The following CNOT1 variants were observed in gnomAD, a reference collection of about 807,000 sequenced individuals.
The protein encoded by CNOT1 is CCR4-NOT transcription complex subunit 1.
In CNOT1, 15 loss-of-function variants were observed where a neutral mutation model predicts 273.8. The observed-to-expected ratio is 0.05, with a 90% CI of 0.04 to 0.08. The LOEUF (loss-of-function observed/expected upper bound fraction) is 0.08, where lower values mean the gene tolerates loss of function less well. Among genes scored for constraint, CNOT1 ranks in the 10% least tolerant of loss-of-function variants. The pLI is 1.00. For missense variants in CNOT1, 1,644 were observed against 2,912.2 expected (o/e 0.56, Z 10.02); for synonymous variants, 1,022 against 1,005.5 (o/e 1.02, Z -0.31).
At position 58,547,250 on chromosome 16, in the gene CNOT1, T is replaced by C; in HGVS notation, c.3686A>G (p.Gln1229Arg). 1.9e-6 allele frequency: 3 copies of C among 1,613,968 alleles called. No individual in the cohort carries two copies. The highest frequency in any genetic ancestry group is 2.5e-6 in the Non-Finnish European group (3 of 1,179,890). ...GGGCACTACATAGAGCAATTCTTGTTGTCCTTTAACATAAGCCTCTAGCAG... is the reference window on the plus strand; with the variant it reads ...GGGCACTACATAGAGCAATTCTTGTCGTCCTTTAACATAAGCCTCTAGCAG... The part of the protein sequence containing the change: ...SLLLEAYVKG[Q>R]QELLYVVPFV... Residue 1229 changes from glutamine (Q) to arginine (R), a missense_variant, in exon 27 of 49, where the codon CAA (glutamine) becomes CGA (arginine). Physicochemically the swap from Gln to Arg is conservative, Grantham distance 43. Transcript: ENST00000317147. The surrounding 1 kb of genome is among the most constrained non-coding windows in gnomAD (Gnocchi z 4.0).
At chr16:58,585,276 T>A (rs1317237398) in intron 8 of CNOT1, 62 bp downstream of exon 8, 24 of 1,585,086 alleles carry the variant, frequency 1.5e-5, no homozygotes, top group Non-Finnish European at 1.9e-5. Context: ...AGACTTTTTT[T>A]AAAGAATTAC....
intron 42 of CNOT1, 141 bp from the exon 43 acceptor site, chr16:58,530,488 G>T: frequency 1.8e-6 from 1 of 548,900 alleles, no homozygotes; most frequent in South Asian, 4.0e-5. Context: ...TTTTACAAAA[G>T]ATCGGCATTA....
At chr16:58,522,012 T>G (rs1354462864) in intron 47 of CNOT1, among the ~76,000 whole-genome samples, 2 of 150,272 alleles carry the variant, frequency 1.3e-5, no homozygotes, top group East Asian at 2.0e-4. Flanking sequence ...AAACAGAAAA[T>G]AAGAATTAAG....
intron 20 of CNOT1, 54 bp from the exon 21 acceptor site, chr16:58,555,591 C>T (rs574895858): frequency 7.8e-4 from 1,231 of 1,572,244 alleles, no homozygotes; most frequent in Non-Finnish European, 9.4e-4. Flanking sequence ...TTACTAAGAG[C>T]CTTTCTCAAA....
intron 33 of CNOT1, 59 bp downstream of exon 33, chr16:58,542,172 C>T: frequency 6.3e-7 from 1 of 1,592,968 alleles, no homozygotes; most frequent in Non-Finnish European, 8.6e-7. Context: ...GTTCAATCAA[C>T]AACAACATTA....
Position 58,608,811 on chromosome 16 carries a change from G to A in CNOT1, c.-174-9300C>T, listed in dbSNP as rs773225813. Among the ~76,000 whole-genome samples the A allele has an allele frequency of 4.6e-5, 7 of 152,158 alleles. No homozygotes were observed. The East Asian group carries it at 5.8e-4, about 13-fold the overall frequency. ...AAAAAGGAATGAATTAATGGCATTC[G>A]CAGCGACCTGGATGAGACTAGAGAC... is the stretch of plus-strand genomic sequence containing the variant. On this transcript the variant is annotated intron_variant, in intron 1 of 48. Transcript: ENST00000317147.
At chr16:58,555,972 C>T (rs1284628887) in intron 19 of CNOT1, 64 bp from the exon 20 acceptor site, 1 of 1,590,226 alleles carries the variant, frequency 6.3e-7, no homozygotes, top group African/African-American at 1.3e-5. Context: ...CCATAAAACA[C>T]AGCCAGCCAG....
chr16:58,553,475 T>C (rs1365873164), intron 22 of CNOT1, among the ~76,000 whole-genome samples: 2 of 152,124 alleles, frequency 1.3e-5, no homozygotes, highest in African/African-American at 4.8e-5. Context: ...CTGTACTTTA[T>C]CTAAGATAAA....
chr16:58,530,590 C>T lies in CNOT1; in HGVS notation c.6178-243G>A, dbSNP rs1597403071. On this transcript the variant is annotated intron_variant, in intron 42 of 48. Coordinates refer to ENST00000317147, the MANE Select transcript of CNOT1 (RefSeq NM_016284.5). ...TTGAAGTCAGGAGTTCGAGACCAGC[C>T]TGGCCAACATATTGAAATCCTGTCT... 8 of 284,192 alleles carry T rather than the reference C, an allele frequency of 2.8e-5. No individual in the cohort carries two copies. In the East Asian group the frequency reaches 4.2e-4, roughly 15 times the overall value. 17.6% of individuals were successfully genotyped at this position (284,192 alleles called of 1,614,324 possible).
intron 25 of CNOT1, among the ~76,000 whole-genome samples, chr16:58,549,361 A>AG (rs1323286463): frequency 6.6e-6 from 1 of 151,368 alleles, no homozygotes; most frequent in Non-Finnish European, 1.5e-5. Context: ...TATCCAGGGG[A>AG]GAAAAAAAAG....
intron 8 of CNOT1, 67 bp downstream of exon 8, chr16:58,585,269 CTT>C: frequency 6.3e-7 from 1 of 1,582,792 alleles, no homozygotes; most frequent in Admixed American, 2.0e-5. Context: ...ATTTTAGAGA[CTT>C]TTTTTAAAGA....
chr16:58,535,768 C>T (rs949370520), intron 39 of CNOT1, among the ~76,000 whole-genome samples: 3 of 151,588 alleles, frequency 2.0e-5, no homozygotes, highest in African/African-American at 7.3e-5. Flanking sequence ...GAGCCTCGCT[C>T]TGTCGCCCAG....
chr16:58,534,337 C>A lies in CNOT1; in HGVS notation c.5705G>T (p.Cys1902Phe). The change falls in exon 40 of 49, where the codon TGT becomes TTT. Residue 1902 changes from cysteine to phenylalanine, a missense_variant. By Grantham distance (205) the Cys-to-Phe change is radical (BLOSUM62 -2). Transcript: ENST00000317147. The stretch of plus-strand genomic sequence containing the variant: ...ACTGATTTCAACACACATTTCAGTA[C>A]ACAGACGAAAGAACCTTGTTATGAG... ...DDLITRFFRLCTEMCVEISYR... is the reference protein window; with the variant it reads ...DDLITRFFRLFTEMCVEISYR... 6.2e-7 allele frequency: 1 copy of A among 1,614,152 alleles called. No individual in the cohort carries two copies. Among genetic ancestry groups the A allele is most frequent in the Non-Finnish European group, 8.5e-7 (1 of 1,180,028 alleles).
intron 1 of CNOT1, among the ~76,000 whole-genome samples, chr16:58,614,505 A>G (rs112781662): frequency 2.4e-5 from 3 of 124,976 alleles, no homozygotes; most frequent in African/African-American, 8.1e-5. Flanking sequence ...ATAGGCACTG[A>G]GTTTCTAGCA....
chr16:58,578,054 G>A (rs1329745896), intron 13 of CNOT1, among the ~76,000 whole-genome samples: 2 of 152,188 alleles, frequency 1.3e-5, no homozygotes, highest in Non-Finnish European at 2.9e-5. Flanking sequence ...CATTTCTTGT[G>A]AACATATGAC....
intron 40 of CNOT1, 172 bp from the exon 41 acceptor site, chr16:58,532,567 C>T: frequency 8.5e-7 from 1 of 1,170,136 alleles, no homozygotes; most frequent in Admixed American, 2.9e-5. Context: ...ATTGGTCTGA[C>T]TCCGCCTTCA....
chr16:58,619,108 G>A (rs547354835), intron 1 of CNOT1, among the ~76,000 whole-genome samples: 4 of 152,176 alleles, frequency 2.6e-5, no homozygotes, highest in African/African-American at 4.8e-5. Context: ...GACTGAGGTG[G>A]GAGGATGGCT....
intron 16 of CNOT1, among the ~76,000 whole-genome samples, chr16:58,568,624 G>A (rs1334748645): frequency 6.6e-6 from 1 of 151,970 alleles, no homozygotes; most frequent in Non-Finnish European, 1.5e-5. Context: ...AGGTTGTAGT[G>A]AGCCGAGATC....
At chr16:58,599,129 CA>C in intron 2 of CNOT1, 106 bp downstream of exon 2, 1 of 1,444,022 alleles carries the variant, frequency 6.9e-7, no homozygotes, top group Non-Finnish European at 9.5e-7. Context: ...AATTAAGGGG[CA>C]AAAGTTAGTT....
Sources: gnomAD v4.1 joint callset for allele counts (sites outside exome capture counted in the v4.1 genomes callset) on GRCh38, gnomAD v4.1.1 for gene constraint, Gnocchi (gnomAD v3.1) non-coding constraint, MANE v1.5 for transcripts, NCBI Gene and HGNC (gene_info 2026-07-23, HGNC 2026-07-21) for gene names.